Variants in MACROD2 observed in about 807,000 individuals in gnomAD.
MACROD2 encodes the protein mono-ADP ribosylhydrolase 2.
Under a neutral mutation model 70.4 loss-of-function variants are expected in MACROD2, and 36 were observed. The ratio of observed to expected loss-of-function variants is 0.51; its 90% confidence interval spans 0.39 to 0.68. MACROD2 has a LOEUF of 0.68. Among genes scored for constraint, MACROD2 ranks in the 30% least tolerant of loss-of-function variants. MACROD2 has a pLI of 0.00. For missense variants in MACROD2, 496 were observed against 538.4 expected, an observed-to-expected ratio of 0.92 and a Z score of 0.78; for synonymous variants, 172 against 178.8, an observed-to-expected ratio of 0.96 and a Z score of 0.30.
intron 3 of MACROD2, among the ~76,000 whole-genome samples, chr20:14,232,321 T>C (rs1114952): frequency 0.97 from 147,523 of 152,216 alleles, 71,503 homozygotes; most frequent in Admixed American, 0.99. Context: ...TTAGCCTGTC[T>C]TTTGACTCTT....
intron 5 of MACROD2, among the ~76,000 whole-genome samples, chr20:14,857,157 C>A (rs550611059): frequency 6.6e-6 from 1 of 152,280 alleles, no homozygotes; most frequent in East Asian, 1.9e-4. Flanking sequence ...TATCCCTATT[C>A]TCTCTCTGTT....
At chr20:14,493,620 C>A (rs2084818914) in intron 4 of MACROD2, 112 bp downstream of exon 4, 7 of 800,312 alleles carry the variant, frequency 8.7e-6, no homozygotes, top group Non-Finnish European at 1.4e-5. Context: ...CTGTAGTCAT[C>A]AATTACAAAA....
chr20:15,271,129 T>G (rs1773567148), intron 6 of MACROD2, among the ~76,000 whole-genome samples: 1 of 152,166 alleles, frequency 6.6e-6, no homozygotes, highest in African/African-American at 2.4e-5. Context: ...ATACCATAAA[T>G]GGGTGGCTTA....
chr20:15,452,029 G>A (rs909084467), intron 7 of MACROD2, among the ~76,000 whole-genome samples: 1 of 152,096 alleles, frequency 6.6e-6, no homozygotes, highest in South Asian at 2.1e-4. Context: ...TCTGCTGCAG[G>A]CTGTAACGGA....
intron 8 of MACROD2, among the ~76,000 whole-genome samples, chr20:15,738,539 T>G (rs2051058705): frequency 6.6e-6 from 1 of 151,940 alleles, no homozygotes; most frequent in Non-Finnish European, 1.5e-5. Flanking sequence ...TTCAGCAAAA[T>G]AGAGAAGAGT....
intron 4 of MACROD2, among the ~76,000 whole-genome samples, chr20:14,495,178 A>C (rs1017263921): frequency 7.7e-6 from 1 of 130,070 alleles, no homozygotes; most frequent in Non-Finnish European, 1.6e-5. Context: ...GGAGATATAA[A>C]TGTATTTCTG....
chr20:15,162,827 A>G (rs546944596), intron 5 of MACROD2, among the ~76,000 whole-genome samples: 6 of 152,276 alleles, frequency 3.9e-5, no homozygotes, highest in Admixed American at 1.3e-4. Context: ...GCATTCAGGG[A>G]GAAACACAAT....
intron 5 of MACROD2, among the ~76,000 whole-genome samples, chr20:15,060,766 A>G (rs2075526224): frequency 6.6e-6 from 1 of 152,344 alleles, no homozygotes; most frequent in Admixed American, 6.5e-5. Flanking sequence ...TGCATTATGC[A>G]ATAGACTGTG....
At chr20:14,886,419 C>T in intron 5 of MACROD2, among the ~76,000 whole-genome samples, 1 of 152,108 alleles carries the variant, frequency 6.6e-6, no homozygotes, top group Non-Finnish European at 1.5e-5. Context: ...AGGACTTTGG[C>T]TTTGGTCATA....
intron 5 of MACROD2, among the ~76,000 whole-genome samples, chr20:14,770,433 T>G (rs981673519): frequency 6.6e-6 from 1 of 152,102 alleles, no homozygotes; most frequent in Non-Finnish European, 1.5e-5. Context: ...TAAAACTATG[T>G]CTTAAAATAT....
chr20:15,916,175 A>G (rs1736520251), intron 10 of MACROD2, among the ~76,000 whole-genome samples: 1 of 152,038 alleles, frequency 6.6e-6, no homozygotes, highest in African/African-American at 2.4e-5. Context: ...CCCACCACCC[A>G]CCTTCCCACA....
At chr20:15,599,437 G>A (rs943188523) in intron 8 of MACROD2, among the ~76,000 whole-genome samples, 1 of 151,984 alleles carries the variant, frequency 6.6e-6, no homozygotes, top group Non-Finnish European at 1.5e-5. Flanking sequence ...TTTCAGGCCT[G>A]TGATCCTTTT....
chr20:14,434,994 A>G (rs1280480108), intron 3 of MACROD2, among the ~76,000 whole-genome samples: 1 of 152,156 alleles, frequency 6.6e-6, no homozygotes, highest in Non-Finnish European at 1.5e-5. Context: ...AGGTCTGTTG[A>G]TAACTGTATT....
At chr20:15,814,910 C>G (rs774166112) in intron 8 of MACROD2, among the ~76,000 whole-genome samples, 1 of 152,214 alleles carries the variant, frequency 6.6e-6, no homozygotes, top group Non-Finnish European at 1.5e-5. Flanking sequence ...GATGATTATG[C>G]CTTTGGCAGT....
At chr20:15,187,700 G>A (rs1406655607) in intron 5 of MACROD2, among the ~76,000 whole-genome samples, 1 of 152,228 alleles carries the variant, frequency 6.6e-6, no homozygotes, top group South Asian at 2.1e-4. Context: ...CAGACATGTT[G>A]TAATTATTAT....
chr20:14,540,625 T>A (rs564035119), intron 4 of MACROD2, among the ~76,000 whole-genome samples: 8 of 152,298 alleles, frequency 5.3e-5, no homozygotes, highest in African/African-American at 1.4e-4. Context: ...TAGATCAACT[T>A]TTCTGAATCT....
intron 2 of MACROD2, among the ~76,000 whole-genome samples, chr20:14,052,341 G>A (rs891798857): frequency 6.6e-6 from 1 of 152,076 alleles, no homozygotes; most frequent in East Asian, 1.9e-4. Context: ...TGACATAATA[G>A]TATTAGCTAT....
chr20:15,617,929 G>T (rs77982552), intron 8 of MACROD2, among the ~76,000 whole-genome samples: 11,457 of 152,020 alleles, frequency 0.075, 817 homozygotes, highest in African/African-American at 0.18. Flanking sequence ...ATTGATGCAG[G>T]CATGGAAAAC....
intron 3 of MACROD2, among the ~76,000 whole-genome samples, chr20:14,285,923 A>G (rs1024971363): frequency 6.6e-6 from 1 of 152,012 alleles, no homozygotes. Flanking sequence ...ACTTTGGGAT[A>G]GTGACTTTGT....
Sources: allele counts gnomAD v4.1 joint callset (sites outside exome capture counted in the v4.1 genomes callset), GRCh38; gene constraint gnomAD v4.1.1; transcripts MANE v1.5; gene names NCBI Gene and HGNC (gene_info 2026-07-23, HGNC 2026-07-21).